Variants in CTNNA2 observed in about 807,000 individuals in gnomAD.
The protein encoded by CTNNA2 is catenin alpha-2.
Under a neutral mutation model 101.0 loss-of-function variants are expected in CTNNA2, and 42 were observed. That is an observed-to-expected ratio of 0.42 (90% CI 0.32 to 0.54). The LOEUF (loss-of-function observed/expected upper bound fraction) is 0.54. Ranked by LOEUF, CTNNA2 falls within the 20% of genes least tolerant of loss-of-function variation. CTNNA2 has a pLI of 0.14. For missense variants in CTNNA2, 871 were observed against 1,223.1 expected, an observed-to-expected ratio of 0.71 and a Z score of 4.29; for synonymous variants, 450 against 456.4, an observed-to-expected ratio of 0.99 and a Z score of 0.18.
intron 7 of CTNNA2, among the ~76,000 whole-genome samples, chr2:80,045,759 A>T (rs1442474739): frequency 6.6e-6 from 1 of 152,136 alleles, no homozygotes; most frequent in East Asian, 1.9e-4. Flanking sequence ...TACCATCAGG[A>T]TCGAGGGCTT....
intron 1 of CTNNA2, among the ~76,000 whole-genome samples, chr2:79,564,525 G>A (rs999849963): frequency 6.6e-6 from 1 of 152,028 alleles, no homozygotes; most frequent in Non-Finnish European, 1.5e-5. Context: ...AATGGAGGGG[G>A]CTTACGCATT....
At chr2:79,750,372 G>A (rs1296021795) in intron 3 of CTNNA2, among the ~76,000 whole-genome samples, 1 of 152,150 alleles carries the variant, frequency 6.6e-6, no homozygotes, top group Non-Finnish European at 1.5e-5. Context: ...TTGGACCCAG[G>A]CTTCAAGATG....
At chr2:79,981,735 C>T (rs1260646145) in intron 7 of CTNNA2, among the ~76,000 whole-genome samples, 1 of 152,014 alleles carries the variant, frequency 6.6e-6, no homozygotes, top group Non-Finnish European at 1.5e-5. Flanking sequence ...AAGAAAATGT[C>T]CAGTCAAACT....
chr2:79,412,490 T>G (rs1211784498), intron 4 of CTNNA2, among the ~76,000 whole-genome samples: 2 of 151,852 alleles, frequency 1.3e-5, no homozygotes, highest in African/African-American at 4.8e-5. Flanking sequence ...ACCACATAGT[T>G]GGAAGTAAAG....
At chr2:79,501,842 C>T (rs2103805005) in intron 4 of CTNNA2, among the ~76,000 whole-genome samples, 1 of 152,210 alleles carries the variant, frequency 6.6e-6, no homozygotes, top group Non-Finnish European at 1.5e-5. Context: ...AAGAATGGGA[C>T]TCTGGGGTTT....
At chr2:79,924,534 A>T (rs116289800) in intron 7 of CTNNA2, among the ~76,000 whole-genome samples, 2,075 of 152,250 alleles carry the variant, frequency 0.014, 52 homozygotes, top group African/African-American at 0.048. Flanking sequence ...TGTTAAATCA[A>T]TCAGCCATCT....
At chr2:80,249,992 C>G (rs1041564985) in intron 7 of CTNNA2, among the ~76,000 whole-genome samples, 1 of 151,922 alleles carries the variant, frequency 6.6e-6, no homozygotes, top group Non-Finnish European at 1.5e-5. Flanking sequence ...GATTATGAGT[C>G]GAAAGAATTG....
intron 7 of CTNNA2, among the ~76,000 whole-genome samples, chr2:79,973,516 G>A (rs1274753015): frequency 1.3e-5 from 2 of 151,996 alleles, no homozygotes; most frequent in African/African-American, 4.8e-5. Flanking sequence ...AAGATTTATT[G>A]GAAAAAAATA....
At position 79,786,561 on chromosome 2, in the gene CTNNA2, G is replaced by A. The variant is rs115086958; in HGVS notation, c.298+41979G>A. ...AGAAGAGTGGGCAGAGGTGAAACTAGTTGCCACACTTTAATTATAACGATA... is the reference window on the plus strand; with the variant it reads ...AGAAGAGTGGGCAGAGGTGAAACTAATTGCCACACTTTAATTATAACGATA... On this transcript the variant is annotated intron_variant, in intron 3 of 18. Coordinates refer to ENST00000402739, the MANE Select transcript of CTNNA2 (RefSeq NM_001282597.3). 1.8e-3 allele frequency among the ~76,000 whole-genome samples: 273 copies of A among 151,976 alleles called. 2 individuals carry two copies. The highest frequency in any genetic ancestry group is 6.5e-3 in the African/African-American group (270 of 41,426).
intron 2 of CTNNA2, among the ~76,000 whole-genome samples, chr2:79,286,439 G>A (rs1051081625): frequency 1.3e-4 from 20 of 151,968 alleles, no homozygotes; most frequent in Admixed American, 2.0e-4. Flanking sequence ...GCTCTTTTAG[G>A]GCAGGCCTGG....
At chr2:79,326,654 C>G (rs1221647445) in intron 3 of CTNNA2, among the ~76,000 whole-genome samples, 1 of 152,116 alleles carries the variant, frequency 6.6e-6, no homozygotes, top group Non-Finnish European at 1.5e-5. Context: ...TAAAGTGACT[C>G]TCACATAGAT....
chr2:79,711,756 T>G (rs1275166239), intron 2 of CTNNA2, among the ~76,000 whole-genome samples: 1 of 152,174 alleles, frequency 6.6e-6, no homozygotes, highest in Non-Finnish European at 1.5e-5. Context: ...GGCTGTATAG[T>G]TTCTGTTGTG....
At chr2:79,449,250 G>C (rs1678864674) in intron 4 of CTNNA2, among the ~76,000 whole-genome samples, 1 of 151,998 alleles carries the variant, frequency 6.6e-6, no homozygotes, top group South Asian at 2.1e-4. Flanking sequence ...TTCAGTATGA[G>C]AGAATGGAAG....
chr2:79,600,499 A>ATG (rs1573448129), intron 1 of CTNNA2, among the ~76,000 whole-genome samples: 2 of 152,064 alleles, frequency 1.3e-5, no homozygotes, highest in East Asian at 3.9e-4. Context: ...TTAAAAGCAG[A>ATG]TGTGTGACCT....
At chr2:79,814,534 C>T (rs892472495) in intron 3 of CTNNA2, among the ~76,000 whole-genome samples, 1 of 151,954 alleles carries the variant, frequency 6.6e-6, no homozygotes, top group Non-Finnish European at 1.5e-5. Context: ...TCTCCAATTT[C>T]TTCCAGCTCA....
chr2:79,978,132 A>T (rs1443565508), intron 7 of CTNNA2, among the ~76,000 whole-genome samples: 1 of 152,052 alleles, frequency 6.6e-6, no homozygotes, highest in African/African-American at 2.4e-5. Flanking sequence ...TTTTTTTCTT[A>T]TGGAAGAGAA....
At chr2:79,754,200 T>G (rs1672247627) in intron 3 of CTNNA2, among the ~76,000 whole-genome samples, 1 of 152,088 alleles carries the variant, frequency 6.6e-6, no homozygotes. Context: ...CGACATTTAT[T>G]AAGTAAATGA....
At chr2:79,200,111 GA>G in intron 2 of CTNNA2, among the ~76,000 whole-genome samples, 1 of 152,036 alleles carries the variant, frequency 6.6e-6, no homozygotes, top group Non-Finnish European at 1.5e-5. Context: ...ATCAGATTAA[GA>G]AAGTATCCTG....
At chr2:79,521,031 C>T (rs1162646587) in intron 1 of CTNNA2, among the ~76,000 whole-genome samples, 1 of 149,356 alleles carries the variant, frequency 6.7e-6, no homozygotes, top group African/African-American at 2.5e-5. Flanking sequence ...ATAATAGCTT[C>T]AAACTAAAAA....
Sources: allele counts gnomAD v4.1 joint callset (sites outside exome capture counted in the v4.1 genomes callset), GRCh38; gene constraint gnomAD v4.1.1; transcripts MANE v1.5; gene names NCBI Gene and HGNC (gene_info 2026-07-23, HGNC 2026-07-21).